EPB41L4A: variants seen among roughly 807,000 people sequenced by gnomAD.
EPB41L4A encodes the protein band 4.1-like protein 4A.
EPB41L4A carries 100 observed loss-of-function variants against 108.6 expected under a neutral mutation model. That is an observed-to-expected ratio of 0.92 (90% CI 0.78 to 1.09). The LOEUF is 1.09. Among genes scored for constraint, EPB41L4A ranks in the 50% least tolerant of loss-of-function variants. The pLI is 0.00. For synonymous variants in EPB41L4A, 319 were observed against 289.0 expected (o/e 1.10, Z -1.05); for missense variants, 1,030 against 842.7 (o/e 1.22, Z -2.75).
intron 2 of EPB41L4A, among the ~76,000 whole-genome samples, chr5:112,288,390 G>A (rs1753421144): frequency 6.6e-6 from 1 of 152,158 alleles, no homozygotes; most frequent in African/African-American, 2.4e-5. Context: ...AGAGGCCTTT[G>A]AACTCCCAAT....
At chr5:112,345,266 A>C (rs1757563987) in intron 1 of EPB41L4A, among the ~76,000 whole-genome samples, 1 of 152,220 alleles carries the variant, frequency 6.6e-6, no homozygotes, top group Admixed American at 6.5e-5. Context: ...CTGAGAAAAA[A>C]GTTTTATGCA....
At chr5:112,216,910 C>T (rs1259347959) in intron 12 of EPB41L4A, among the ~76,000 whole-genome samples, 1 of 152,102 alleles carries the variant, frequency 6.6e-6, no homozygotes, top group Non-Finnish European at 1.5e-5. Flanking sequence ...TTTTTCTATA[C>T]CACAAATTAC....
At chr5:112,192,479 A>G (rs1761753393) in intron 17 of EPB41L4A, among the ~76,000 whole-genome samples, 1 of 152,212 alleles carries the variant, frequency 6.6e-6, no homozygotes, top group Non-Finnish European at 1.5e-5. Context: ...GATTTTTTGC[A>G]TGAAACGTGT....
chr5:112,360,431 G>A (rs561922557), intron 1 of EPB41L4A, among the ~76,000 whole-genome samples: 6 of 152,266 alleles, frequency 3.9e-5, no homozygotes, highest in Middle Eastern at 3.4e-3. Flanking sequence ...GCACCGCCAC[G>A]CCTGACTGGT....
At chr5:112,153,868 ATTT>A (rs968016266) in intron 12 of EPB41L4A, among the ~76,000 whole-genome samples, 36 of 147,066 alleles carry the variant, frequency 2.4e-4, no homozygotes, top group Admixed American at 2.1e-3. Context: ...ATTACTTATT[ATTT>A]ATTATTAAAA....
chr5:112,221,287 T>C (rs1748030388), intron 12 of EPB41L4A, among the ~76,000 whole-genome samples: 1 of 152,210 alleles, frequency 6.6e-6, no homozygotes, highest in Non-Finnish European at 1.5e-5. Flanking sequence ...ACTCTGTCAG[T>C]GCTCCACTCT....
chr5:112,227,954 C>G (rs1391089240), intron 12 of EPB41L4A, among the ~76,000 whole-genome samples: 1 of 152,170 alleles, frequency 6.6e-6, no homozygotes, highest in Non-Finnish European at 1.5e-5. Context: ...GCACCATCAT[C>G]CCCTGGAGTT....
In EPB41L4A at chr5:112,190,117, G is replaced by A. The variant is rs531353729; in HGVS notation, c.1502+4451C>T. 7.2e-4 allele frequency among the ~76,000 whole-genome samples: 110 copies of A among 152,272 alleles called. 1 individual carries two copies. In the Middle Eastern group the frequency reaches 0.01, roughly 14 times the overall value. The stretch of plus-strand genomic sequence containing the variant: ...ATGTAGATTAACTTTATAGTGCCTT[G>A]TACTAGGTAGGTTCCCAACTTCAAG... On this transcript the variant is annotated intron_variant, in intron 17 of 22. Transcript: ENST00000261486.
intron 1 of EPB41L4A, among the ~76,000 whole-genome samples, chr5:112,392,555 A>G (rs1318208804): frequency 6.6e-6 from 1 of 152,200 alleles, no homozygotes; most frequent in Non-Finnish European, 1.5e-5. Flanking sequence ...CTAAATATAT[A>G]TGCACTCAAT....
intron 17 of EPB41L4A, among the ~76,000 whole-genome samples, chr5:112,193,478 T>C (rs991085850): frequency 6.6e-6 from 1 of 152,186 alleles, no homozygotes; most frequent in Non-Finnish European, 1.5e-5. Context: ...ATTTTGTATT[T>C]TTAGTAGAGA....
chr5:112,366,270 T>C (rs938603765), intron 1 of EPB41L4A, among the ~76,000 whole-genome samples: 4 of 151,492 alleles, frequency 2.6e-5, no homozygotes, highest in Admixed American at 1.3e-4. Flanking sequence ...CTTGCCCATG[T>C]TTGTAAATTG....
chr5:112,221,375 T>C (rs1387683558), intron 12 of EPB41L4A, among the ~76,000 whole-genome samples: 2 of 152,204 alleles, frequency 1.3e-5, no homozygotes, highest in Admixed American at 6.5e-5. Flanking sequence ...GTGTACAAGG[T>C]TGAAAGTCCA....
At position 112,259,986 on chromosome 5, in the gene EPB41L4A, AAAC is replaced by A; in HGVS notation, c.643-10_643-8del. 1 of 1,596,196 alleles carries A rather than the reference AAAC, an allele frequency of 6.3e-7. No individual in the cohort carries two copies. Among genetic ancestry groups the A allele is most frequent in the Non-Finnish European group, 8.6e-7 (1 of 1,163,728 alleles). On this transcript the variant is annotated splice_region_variant and splice_polypyrimidine_tract_variant and intron_variant, in intron 7 of 22. Coordinates refer to ENST00000261486, the MANE Select transcript of EPB41L4A (RefSeq NM_022140.5). Reference sequence around the variant, plus strand: ...ACTCAGACTTGTTTTCTCCCTGCAAAAACAAACATATGCCTATAACCACATATT... The same window carrying A: ...ACTCAGACTTGTTTTCTCCCTGCAAAAAACATATGCCTATAACCACATATT...
intron 12 of EPB41L4A, among the ~76,000 whole-genome samples, chr5:112,231,653 C>T (rs1012674561): frequency 7.9e-5 from 12 of 151,188 alleles, no homozygotes; most frequent in Admixed American, 2.0e-4. Context: ...GGCGCGGTGG[C>T]GGGCGCCTGT....
At chr5:112,396,533 C>T (rs1761362353) in intron 1 of EPB41L4A, among the ~76,000 whole-genome samples, 1 of 152,228 alleles carries the variant, frequency 6.6e-6, no homozygotes, top group Admixed American at 6.5e-5. Flanking sequence ...GGAGTATCTA[C>T]ATCAAGCTGA....
At chr5:112,417,337 C>T (rs1359846688) in intron 1 of EPB41L4A, among the ~76,000 whole-genome samples, 2 of 152,238 alleles carry the variant, frequency 1.3e-5, no homozygotes, top group South Asian at 2.1e-4. Flanking sequence ...AAATAGGAAG[C>T]TCACATTCCA....
intron 1 of EPB41L4A, among the ~76,000 whole-genome samples, chr5:112,396,727 G>T (rs112496623): frequency 6.6e-6 from 1 of 152,174 alleles, no homozygotes; most frequent in African/African-American, 2.4e-5. Context: ...TGATGAGAGA[G>T]AGAGAGAAAC....
At chr5:112,313,021 T>TAA (rs1369879252) in intron 1 of EPB41L4A, among the ~76,000 whole-genome samples, 1 of 152,224 alleles carries the variant, frequency 6.6e-6, no homozygotes. Flanking sequence ...CATGACTTCA[T>TAA]TCATTGAAAT....
chr5:112,398,617 G>C (rs1044639529), intron 1 of EPB41L4A, among the ~76,000 whole-genome samples: 1 of 152,054 alleles, frequency 6.6e-6, no homozygotes, highest in African/African-American at 2.4e-5. Context: ...TCAAACTCCT[G>C]AGCTCAAGTG....
Sources: gnomAD v4.1 joint callset for allele counts (sites outside exome capture counted in the v4.1 genomes callset) on GRCh38, gnomAD v4.1.1 for gene constraint, MANE v1.5 for transcripts, NCBI Gene and HGNC (gene_info 2026-07-23, HGNC 2026-07-21) for gene names.